Variants in CLNK observed in about 807,000 individuals in gnomAD.
The protein encoded by CLNK is cytokine-dependent hematopoietic cell linker.
CLNK carries 74 observed loss-of-function variants against 68.6 expected under a neutral mutation model. That is an observed-to-expected ratio of 1.08 (90% CI 0.89 to 1.31). CLNK has a LOEUF of 1.31. CLNK is among the 50% of genes most tolerant of loss of function. The probability of loss-of-function intolerance (pLI) is 0.00; values close to 1 mark genes in which losing one functional copy is unlikely to be tolerated. For missense variants in CLNK, 553 were observed against 515.3 expected (o/e 1.07, Z -0.71); for synonymous variants, 198 against 172.2 (o/e 1.15, Z -1.17).
At chr4:10,540,423 G>A in intron 11 of CLNK, 71 bp downstream of exon 11, 1 of 1,174,894 alleles carries the variant, frequency 8.5e-7, no homozygotes, top group Non-Finnish European at 1.3e-6. Flanking sequence ...ACTTTGTTTG[G>A]TTTCCCTTGT....
chr4:10,723,564 G>A, the CLNK span, among the ~76,000 whole-genome samples: 1 of 152,096 alleles, frequency 6.6e-6, no homozygotes, highest in Admixed American at 6.6e-5. Context: ...TGGAATGTAG[G>A]TAGCCTTGAG....
intron 2 of CLNK, among the ~76,000 whole-genome samples, chr4:10,636,103 A>G (rs915462710): frequency 1.6e-4 from 25 of 152,190 alleles, no homozygotes; most frequent in African/African-American, 5.8e-4. Flanking sequence ...CTTACAAAAC[A>G]CTGTCAAGAT....
intron 16 of CLNK, among the ~76,000 whole-genome samples, chr4:10,510,569 G>T (rs1717533749): frequency 6.6e-6 from 1 of 152,170 alleles, no homozygotes; most frequent in Admixed American, 6.5e-5. Flanking sequence ...ACTAGTTTGG[G>T]TCATGATGGG....
chr4:10,611,554 G>A (rs1415880366), intron 2 of CLNK, among the ~76,000 whole-genome samples: 1 of 152,002 alleles, frequency 6.6e-6, no homozygotes, highest in Non-Finnish European at 1.5e-5. Flanking sequence ...AGCTGGGAGG[G>A]GCCTCCCGTG....
the CLNK span, among the ~76,000 whole-genome samples, chr4:10,714,783 G>C: frequency 4.0e-5 from 6 of 151,374 alleles, no homozygotes; most frequent in Non-Finnish European, 8.8e-5. Flanking sequence ...AGTGAAAAAG[G>C]CACTCTAGTT....
chr4:10,716,331 A>G, the CLNK span, among the ~76,000 whole-genome samples: 2 of 152,370 alleles, frequency 1.3e-5, no homozygotes, highest in South Asian at 4.1e-4. Context: ...GCAATTTAAT[A>G]TTTCTAAAAG....
the CLNK span, among the ~76,000 whole-genome samples, chr4:10,695,604 G>A: frequency 1.3e-5 from 2 of 152,146 alleles, no homozygotes; most frequent in Non-Finnish European, 2.9e-5. Flanking sequence ...GATAACAGAA[G>A]CAAGTTATGA....
intron 3 of CLNK, among the ~76,000 whole-genome samples, chr4:10,589,824 G>T (rs10488949): frequency 0.28 from 42,432 of 152,182 alleles, 6,957 homozygotes; most frequent in Non-Finnish European, 0.37. Context: ...CAAACTTCGT[G>T]GAGATTTGAT....
intron 3 of CLNK, among the ~76,000 whole-genome samples, chr4:10,591,101 C>G (rs1457246778): frequency 6.6e-6 from 1 of 152,078 alleles, no homozygotes; most frequent in African/African-American, 2.4e-5. Context: ...TGTGCTCAGA[C>G]AGTAGGGAAT....
At chr4:10,647,188 G>A (rs2108879634) in intron 2 of CLNK, among the ~76,000 whole-genome samples, 1 of 152,226 alleles carries the variant, frequency 6.6e-6, no homozygotes, top group East Asian at 1.9e-4. Flanking sequence ...TGGCCCTGAA[G>A]TTACCACAAA....
intron 3 of CLNK, among the ~76,000 whole-genome samples, chr4:10,597,047 C>T (rs1216429059): frequency 1.3e-5 from 2 of 152,214 alleles, no homozygotes; most frequent in African/African-American, 2.4e-5. Context: ...TTGCAAAACA[C>T]CTCAAGTATT....
At chr4:10,542,638 A>ATG (rs142413547) in intron 8 of CLNK, among the ~76,000 whole-genome samples, 4,715 of 147,474 alleles carry the variant, frequency 0.032, 95 homozygotes, top group African/African-American at 0.049. Context: ...GCATGTGTAT[A>ATG]TGTGTGTGTG....
At chr4:10,496,106 C>T (rs931407498) in intron 18 of CLNK, among the ~76,000 whole-genome samples, 37 of 152,116 alleles carry the variant, frequency 2.4e-4, no homozygotes, top group African/African-American at 7.5e-4. Context: ...TATGTGTCTG[C>T]CACTATTTAC....
intron 1 of CLNK, among the ~76,000 whole-genome samples, chr4:10,672,024 C>T (rs1319288803): frequency 6.6e-6 from 1 of 152,074 alleles, no homozygotes; most frequent in Non-Finnish European, 1.5e-5. Context: ...TTAAAGAGCC[C>T]CTAAGCTAAC....
intron 17 of CLNK, among the ~76,000 whole-genome samples, chr4:10,507,658 T>G (rs1717366529): frequency 6.6e-6 from 1 of 151,938 alleles, no homozygotes; most frequent in Admixed American, 6.6e-5. Flanking sequence ...TATTTTTTAT[T>G]TTTAGTAGAA....
At chr4:10,610,481 C>A (rs959601332) in intron 2 of CLNK, among the ~76,000 whole-genome samples, 2 of 151,750 alleles carry the variant, frequency 1.3e-5, no homozygotes, top group African/African-American at 4.8e-5. Context: ...AAAGCTTTTT[C>A]CCCCCTCTTC....
chr4:10,622,170 A>T (rs1031448666), intron 2 of CLNK, among the ~76,000 whole-genome samples: 59 of 152,170 alleles, frequency 3.9e-4, no homozygotes, highest in African/African-American at 1.2e-3. Flanking sequence ...CTTCCCCTTT[A>T]TTTGGTAAAT....
intron 18 of CLNK, among the ~76,000 whole-genome samples, chr4:10,493,104 G>C (rs1369321401): frequency 6.6e-6 from 1 of 152,180 alleles, no homozygotes; most frequent in Admixed American, 6.5e-5. Flanking sequence ...AACACTTAAG[G>C]TCAGGAGTTC....
intron 2 of CLNK, among the ~76,000 whole-genome samples, chr4:10,630,867 G>C (rs1722861917): frequency 6.6e-6 from 1 of 152,190 alleles, no homozygotes; most frequent in South Asian, 2.1e-4. Flanking sequence ...AAGCAGGATT[G>C]AGGGCGTTTC....
Sources: gnomAD v4.1 joint callset for allele counts (sites outside exome capture counted in the v4.1 genomes callset) on GRCh38, gnomAD v4.1.1 for gene constraint, MANE v1.5 for transcripts, NCBI Gene and HGNC (gene_info 2026-07-23, HGNC 2026-07-21) for gene names.